SLC44A2: variants seen among roughly 807,000 people sequenced by gnomAD.
SLC44A2 encodes the protein choline transporter-like protein 2.
SLC44A2 carries 57 observed loss-of-function variants against 90.8 expected under a neutral mutation model. That is an observed-to-expected ratio of 0.63 (90% CI 0.51 to 0.78). The LOEUF is 0.78. SLC44A2 is among the 30% of genes least tolerant of loss of function. SLC44A2 has a pLI of 0.00. For synonymous variants in SLC44A2, 355 were observed against 360.7 expected, an observed-to-expected ratio of 0.98 and a Z score of 0.18; for missense variants, 794 against 919.7, an observed-to-expected ratio of 0.86 and a Z score of 1.77.
At chr19:10,614,497 TG>T (rs2066838929) in intron 1 of SLC44A2, among the ~76,000 whole-genome samples, 1 of 152,042 alleles carries the variant, frequency 6.6e-6, no homozygotes, top group Non-Finnish European at 1.5e-5. Context: ...CCTCCCAAAA[TG>T]CTGGGATTGC....
intron 18 of SLC44A2, 31 bp from the exon 19 acceptor site, chr19:10,637,992 A>G (rs1261986278): frequency 1.2e-6 from 2 of 1,614,004 alleles, no homozygotes; most frequent in Admixed American, 1.7e-5. Flanking sequence ...TGAAGCCAGC[A>G]TTCACACCTG....
chr19:10,622,469 AGGGTG>A (rs2066900702), upstream of SLC44A2, among the ~76,000 whole-genome samples: 1 of 151,954 alleles, frequency 6.6e-6, no homozygotes, highest in South Asian at 2.1e-4. Flanking sequence ...GCTGTGTGAA[AGGGTG>A]GGTGCTTGAG....
intron 1 of SLC44A2, among the ~76,000 whole-genome samples, chr19:10,616,624 G>C (rs531927382): frequency 6.6e-6 from 1 of 151,882 alleles, no homozygotes; most frequent in Non-Finnish European, 1.5e-5. Context: ...CAGCACTTTC[G>C]GAGGCTGAGG....
chr19:10,615,516 G>A (rs1024754685), intron 1 of SLC44A2, among the ~76,000 whole-genome samples: 16 of 151,742 alleles, frequency 1.1e-4, no homozygotes, highest in Admixed American at 8.6e-4. Context: ...GGAAGTTGCC[G>A]TGAGCCGAGA....
At chr19:10,609,631 A>G (rs1159729415) in intron 1 of SLC44A2, among the ~76,000 whole-genome samples, 1 of 151,808 alleles carries the variant, frequency 6.6e-6, no homozygotes, top group Admixed American at 6.6e-5. Flanking sequence ...AAAACCACAC[A>G]TTATTAGTTT....
chr19:10,632,695 G>A (rs1247739675), intron 10 of SLC44A2, among the ~76,000 whole-genome samples: 2 of 150,604 alleles, frequency 1.3e-5, no homozygotes, highest in African/African-American at 4.9e-5. Flanking sequence ...TTTTTGAGAC[G>A]GAGTTCTGTT....
chr19:10,634,889 T>C lies in SLC44A2; in HGVS notation c.955+2T>C. On this transcript the variant is annotated splice_donor_variant, in intron 11 of 21. Transcript: ENST00000335757. LOFTEE classifies it high-confidence loss of function. ...TACGGCAGACCTGGTTGGCCTTTAG[T>C]GAGTCACAGTCTCCCATTCCTGCCC... 1 of 1,614,202 alleles carries C rather than the reference T, an allele frequency of 6.2e-7. No individual in the cohort carries two copies. The highest frequency in any genetic ancestry group is 8.5e-7 in the Non-Finnish European group (1 of 1,180,038).
chr19:10,623,089 T>C (rs2066904094), upstream of SLC44A2, among the ~76,000 whole-genome samples: 1 of 151,884 alleles, frequency 6.6e-6, no homozygotes, highest in Non-Finnish European at 1.5e-5. Flanking sequence ...CCCTGTGTAG[T>C]TGGGAAGAGA....
chr19:10,633,501 G>A (rs1490079198), intron 10 of SLC44A2, among the ~76,000 whole-genome samples: 1 of 152,058 alleles, frequency 6.6e-6, no homozygotes, highest in Non-Finnish European at 1.5e-5. Flanking sequence ...TGTCACCCAG[G>A]CTGGAGTTCA....
Position 10,607,135 on chromosome 19 carries a change from G to A in SLC44A2, c.31+4574G>A, listed in dbSNP as rs187249645. ...TCGCCATGTTAGCCAGGATGGTCTC[G>A]ATCTCCTGACCTTGTGATCAGCCTG... On this transcript the variant is annotated intron_variant, in intron 1 of 21. Coordinates refer to the SLC44A2 transcript ENST00000407327. Among the ~76,000 whole-genome samples, 12 of 152,018 alleles carry A rather than the reference G, an allele frequency of 7.9e-5. No homozygotes were observed. The South Asian group carries it at 2.5e-3, about 32-fold the overall frequency.
Position 10,640,407 on chromosome 19 carries a change from T to A in SLC44A2, c.1930-1960T>A, listed in dbSNP as rs909359050. Among the ~76,000 whole-genome samples, 8 of 152,174 alleles carry A rather than the reference T, an allele frequency of 5.3e-5. 1 individual carries two copies. The highest frequency in any genetic ancestry group is 1.0e-4 in the Non-Finnish European group (7 of 68,042). ...TGCCTGGCCATTTCATTGTTTTGAA[T>A]TTTTAATTTAATATAATAGAGATAG... On this transcript the variant is annotated intron_variant, in intron 20 of 21. Transcript: ENST00000335757.
At chr19:10,603,899 G>A (rs577021005) in intron 1 of SLC44A2, among the ~76,000 whole-genome samples, 5 of 152,176 alleles carry the variant, frequency 3.3e-5, no homozygotes, top group Non-Finnish European at 7.3e-5. Flanking sequence ...GGACAGGGAC[G>A]AGGGGCAGAA....
At position 10,627,960 on chromosome 19, in the gene SLC44A2, T is replaced by C. The variant is rs2066951945; in HGVS notation, c.201T>C (p.Thr67=). 6.2e-7 allele frequency: 1 copy of C among 1,613,944 alleles called. No individual in the cohort carries two copies. Among genetic ancestry groups the C allele is most frequent in the Non-Finnish European group, 8.5e-7 (1 of 1,179,974 alleles). ...HGDPRKVIYP[T]DSRGEFCGQK... ...ACCCTCGAAAGGTGATCTACCCCACTGACAGCCGGGGCGAGTTCTGCGGGC... is the reference window on the plus strand; with the variant it reads ...ACCCTCGAAAGGTGATCTACCCCACCGACAGCCGGGGCGAGTTCTGCGGGC... Residue 67 remains threonine (T), a synonymous_variant, in exon 4 of 22, where the codon ACT becomes ACC. Coordinates refer to ENST00000335757, the MANE Select transcript of SLC44A2 (RefSeq NM_020428.4).
At chr19:10,633,083 A>AGG (rs1345289196) in intron 10 of SLC44A2, among the ~76,000 whole-genome samples, 1 of 152,164 alleles carries the variant, frequency 6.6e-6, no homozygotes, top group Non-Finnish European at 1.5e-5. Context: ...TGTTTAGTTC[A>AGG]GGCCTGTGGA....
chr19:10,629,203 CAAAA>C (rs750866963), intron 4 of SLC44A2, among the ~76,000 whole-genome samples: 1 of 115,562 alleles, frequency 8.7e-6, no homozygotes. Context: ...GACTCCATCT[CAAAA>C]AAAAAAAAAA....
rs764988196 is a variant in SLC44A2, at chr19:10,638,102, C to G, written c.1840+9C>G. 6.2e-7 allele frequency: 1 copy of G among 1,613,926 alleles called. No homozygotes were observed. Among genetic ancestry groups the G allele is most frequent in the Non-Finnish European group, 8.5e-7 (1 of 1,179,976 alleles). The stretch of plus-strand genomic sequence containing the variant: ...GATCGTTGGTAGTGTGGGTGAGTGC[C>G]GCCCACCTAGCCTCTCGGGGTGTGG... On this transcript the variant is annotated intron_variant, in intron 19 of 21. Coordinates refer to ENST00000335757, the MANE Select transcript of SLC44A2 (RefSeq NM_020428.4).
Position 10,610,331 on chromosome 19 carries a change from CTT to C in SLC44A2, c.31+7787_31+7788del, listed in dbSNP as rs1158338646. ...ATTCTCCCTAGAGACTTTTCTTTTC[CTT>C]TTTTTTTTTTTTTTTTGAGACTGAG... is the stretch of plus-strand genomic sequence containing the variant. On this transcript the variant is annotated intron_variant, in intron 1 of 21. Transcript: ENST00000407327. Among the ~76,000 whole-genome samples the C allele has an allele frequency of 9.5e-3, 1,270 of 134,326 alleles. 6 individuals are homozygous for C. The highest frequency in any genetic ancestry group is 0.033 in the African/African-American group (1,195 of 36,132). 88.1% of individuals were successfully genotyped at this position (134,326 alleles called of 152,430 possible). A position where few individuals can be genotyped will look rare whatever the true frequency, so the allele number is the denominator to read the frequency against.
rs773481815 is a variant in SLC44A2 at position 10,631,894 on chromosome 19, G to A, written c.653G>A (p.Arg218Gln). Residue 218 changes from arginine (R) to glutamine (Q), a missense_variant, in exon 9 of 22, where the codon CGG becomes CAG. By Grantham distance (43) the Arg-to-Gln change is conservative. Transcript: ENST00000335757. Reference protein sequence around the residue: ...AKKANGVLEARQLAMRIFEDY... With the variant: ...AKKANGVLEAQQLAMRIFEDY... Reference sequence around the variant, plus strand: ...AAAGCCAATGGAGTCCTAGAGGCGCGGCAACTCGCCATGCGCATATTTGAA... The same window carrying A: ...AAAGCCAATGGAGTCCTAGAGGCGCAGCAACTCGCCATGCGCATATTTGAA... The A allele has an allele frequency of 5.0e-6, 8 of 1,614,104 alleles. No individual in the cohort carries two copies. Among genetic ancestry groups the A allele is most frequent in the South Asian group, 1.1e-5 (1 of 91,090 alleles).
intron 1 of SLC44A2, among the ~76,000 whole-genome samples, chr19:10,611,257 G>T (rs973681141): frequency 6.6e-6 from 1 of 151,926 alleles, no homozygotes; most frequent in Admixed American, 6.6e-5. Flanking sequence ...TTCGAGACCA[G>T]CCTGACCAAG....
Sources: gnomAD v4.1 joint callset for allele counts (sites outside exome capture counted in the v4.1 genomes callset) on GRCh38, gnomAD v4.1.1 for gene constraint, MANE v1.5 for transcripts, NCBI Gene and HGNC (gene_info 2026-07-23, HGNC 2026-07-21) for gene names.